The following C8orf74 variants were observed in gnomAD, a reference collection of about 807,000 sequenced individuals.
The protein encoded by C8orf74 is uncharacterized protein C8orf74.
C8orf74 carries 29 observed loss-of-function variants against 22.2 expected under a neutral mutation model. The ratio of observed to expected loss-of-function variants is 1.31; its 90% CI spans 0.97 to 1.78. The LOEUF is 1.78. Among genes scored for constraint, C8orf74 ranks in the 40% most tolerant of loss-of-function variants. The pLI, the probability that C8orf74 is intolerant of heterozygous loss-of-function variation, is 0.00. For missense variants in C8orf74, 515 were observed against 369.9 expected, an observed-to-expected ratio of 1.39 and a Z score of -3.22; for synonymous variants, 255 against 163.1, an observed-to-expected ratio of 1.56 and a Z score of -4.30.
chr8:10,693,180 C>G (rs537149271), intron 2 of C8orf74, among the ~76,000 whole-genome samples: 1 of 152,206 alleles, frequency 6.6e-6, no homozygotes, highest in African/African-American at 2.4e-5. Context: ...TCCTCCCCGA[C>G]CTTTCAGTCC....
intron 2 of C8orf74, among the ~76,000 whole-genome samples, chr8:10,683,926 G>A (rs186331674): frequency 1.7e-3 from 261 of 152,260 alleles, no homozygotes; most frequent in African/African-American, 5.9e-3. Flanking sequence ...GCCTTCCACC[G>A]GCTGGCCCCT....
intron 2 of C8orf74, among the ~76,000 whole-genome samples, chr8:10,680,682 A>G (rs912935188): frequency 1.2e-4 from 18 of 152,188 alleles, no homozygotes; most frequent in African/African-American, 4.3e-4. Flanking sequence ...GCCCACACTC[A>G]TGCTTGGCCC....
chr8:10,688,113 G>C (rs1799298852), intron 2 of C8orf74, among the ~76,000 whole-genome samples: 1 of 151,386 alleles, frequency 6.6e-6, no homozygotes, highest in African/African-American at 2.4e-5. Flanking sequence ...GCTGAGGCAG[G>C]AGGATCACTT....
intron 2 of C8orf74, among the ~76,000 whole-genome samples, chr8:10,684,394 C>A (rs886432298): frequency 1.3e-5 from 2 of 152,138 alleles, no homozygotes; most frequent in Non-Finnish European, 2.9e-5. Flanking sequence ...GTAGGGGGAC[C>A]ATTATGGACA....
rs1363445655 is a variant in C8orf74, at chr8:10,697,756, G to T, written c.399G>T (p.Gln133His). 2 of 1,614,080 alleles carry T rather than the reference G, an allele frequency of 1.2e-6. No homozygotes were observed. The highest frequency in any genetic ancestry group is 1.1e-5 in the South Asian group (1 of 91,092). ...KLYQYVLGQD[Q>H]QVDLTVAHLE... ...ACCAGTATGTCCTGGGCCAGGACCA[G>T]CAGGTCGACCTGACCGTTGCCCACC... The change falls in exon 3 of 4, where the codon CAG (glutamine) becomes CAT (histidine). Residue 133 changes from glutamine (Q) to histidine (H), a missense_variant. By Grantham distance (24) the Gln-to-His change is conservative. Coordinates refer to ENST00000304519, the MANE Select transcript of C8orf74 (RefSeq NM_001040032.2).
At chr8:10,677,846 G>T (rs907485120) in intron 2 of C8orf74, among the ~76,000 whole-genome samples, 1 of 152,156 alleles carries the variant, frequency 6.6e-6, no homozygotes, top group Non-Finnish European at 1.5e-5. Flanking sequence ...TTGGCATCAG[G>T]CTGGCAGTCC....
intron 2 of C8orf74, among the ~76,000 whole-genome samples, chr8:10,685,110 T>C (rs1045924300): frequency 6.6e-6 from 1 of 152,230 alleles, no homozygotes; most frequent in Admixed American, 6.5e-5. Context: ...TTTTACTTAA[T>C]CTTTTTGGAC....
At chr8:10,677,399 A>G (rs997544348) in intron 2 of C8orf74, among the ~76,000 whole-genome samples, 22 of 152,164 alleles carry the variant, frequency 1.4e-4, no homozygotes, top group African/African-American at 5.3e-4. Context: ...AAAAACTCAA[A>G]TACTTACTGA....
intron 2 of C8orf74, chr8:10,686,659 C>A (rs544004901): frequency 6.3e-6 from 1 of 157,498 alleles, no homozygotes; most frequent in African/African-American, 2.4e-5. Flanking sequence ...GATGGGAGAC[C>A]GCCCTGGAAT....
At chr8:10,698,084 G>A in intron 3 of C8orf74, 79 bp downstream of exon 3, 1 of 1,369,490 alleles carries the variant, frequency 7.3e-7, no homozygotes, top group Non-Finnish European at 9.6e-7. Flanking sequence ...ACTGCAGATG[G>A]GAGCTCCTCA....
At chr8:10,673,021 G>C (rs75276654) in intron 1 of C8orf74, among the ~76,000 whole-genome samples, 10,215 of 152,198 alleles carry the variant, frequency 0.067, 1,036 homozygotes, top group African/African-American at 0.22. Context: ...CTGTGTGCAG[G>C]GAGTGTGTTG....
chr8:10,693,863 G>C (rs541786514), intron 2 of C8orf74, among the ~76,000 whole-genome samples: 1 of 152,306 alleles, frequency 6.6e-6, no homozygotes, highest in South Asian at 2.1e-4. Flanking sequence ...GCTTCTAAGT[G>C]TGGCATCCAT....
chr8:10,674,630 A>G lies in C8orf74; in HGVS notation c.49-16A>G, dbSNP rs1456446915. 1.9e-6 allele frequency: 3 copies of G among 1,580,174 alleles called. No individual in the cohort carries two copies. The highest frequency in any genetic ancestry group is 2.3e-5 in the East Asian group (1 of 43,334). ...CCCCACATCATACCCTGCAGTTCCC[A>G]TGTCATTCCCTGCAGAGACCACAAG... On this transcript the variant is annotated splice_polypyrimidine_tract_variant and intron_variant, in intron 1 of 3. Coordinates refer to ENST00000304519, the MANE Select transcript of C8orf74 (RefSeq NM_001040032.2).
In C8orf74 at chr8:10,700,568, T is replaced by A. The variant is rs59747969; in HGVS notation, c.*97T>A. 1.4e-6 allele frequency: 1 copy of A among 737,764 alleles called. No homozygotes were observed. Among genetic ancestry groups the A allele is most frequent in the African/African-American group, 1.8e-5 (1 of 55,362 alleles). 45.7% of individuals were successfully genotyped at this position (737,764 alleles called of 1,614,324 possible). On this transcript the variant is annotated 3_prime_UTR_variant, in exon 4 of 4. Coordinates refer to ENST00000304519, the MANE Select transcript of C8orf74 (RefSeq NM_001040032.2). The stretch of plus-strand genomic sequence containing the variant: ...GCTCAGCACCCACAGAGAGACTTCT[T>A]GTGATTAAAAGAAACAAACCCATGC...
chr8:10,700,087 G>A lies in C8orf74; in HGVS notation c.649-148G>A, dbSNP rs927000235. On this transcript the variant is annotated intron_variant, in intron 3 of 3. Coordinates refer to ENST00000304519, the MANE Select transcript of C8orf74 (RefSeq NM_001040032.2). ...CCTAGTTGGCTGAAGTCAACCAGAAGCCAGAGGTCCAGGCAACCACGGCCC... is the reference window on the plus strand; with the variant it reads ...CCTAGTTGGCTGAAGTCAACCAGAAACCAGAGGTCCAGGCAACCACGGCCC... 19 of 513,484 alleles carry A rather than the reference G, an allele frequency of 3.7e-5. No homozygotes were observed. In the East Asian group the frequency reaches 4.5e-4, roughly 12 times the overall value. The allele number at this position is 513,484 out of a possible 1,614,324, so 31.8% of individuals were successfully genotyped here. A position where few individuals can be genotyped will look rare whatever the true frequency, so the allele number is the denominator to read the frequency against.
At chr8:10,678,055 A>T (rs1278687923) in intron 2 of C8orf74, among the ~76,000 whole-genome samples, 1 of 152,178 alleles carries the variant, frequency 6.6e-6, no homozygotes, top group African/African-American at 2.4e-5. Flanking sequence ...ATCATCTGAA[A>T]GCGTGTGAGG....
intron 1 of C8orf74, 85 bp from the exon 2 acceptor site, chr8:10,674,561 G>T: frequency 2.5e-6 from 2 of 808,096 alleles, no homozygotes; most frequent in Non-Finnish European, 3.3e-6. Context: ...ACACCCTATA[G>T]CCCCCATATC....
chr8:10,685,264 G>C (rs1799238045), intron 2 of C8orf74, among the ~76,000 whole-genome samples: 2 of 152,218 alleles, frequency 1.3e-5, no homozygotes, highest in South Asian at 4.1e-4. Context: ...CATGGAAGTG[G>C]CATATGATTC....
At chr8:10,695,591 T>A (rs1037642280) in intron 2 of C8orf74, among the ~76,000 whole-genome samples, 1 of 151,972 alleles carries the variant, frequency 6.6e-6, no homozygotes, top group Non-Finnish European at 1.5e-5. Context: ...AGATTCAAGG[T>A]GAATATTTCC....
Sources: allele counts gnomAD v4.1 joint callset (sites outside exome capture counted in the v4.1 genomes callset), GRCh38; gene constraint gnomAD v4.1.1; transcripts MANE v1.5; gene names NCBI Gene and HGNC (gene_info 2026-07-23, HGNC 2026-07-21).